The following USP1 variants were observed in gnomAD, a reference collection of about 807,000 sequenced individuals.
The protein encoded by USP1 is ubiquitin carboxyl-terminal hydrolase 1.
USP1 carries 18 observed loss-of-function variants against 72.2 expected under a neutral mutation model. The observed-to-expected ratio is 0.25, with a 90% CI of 0.17 to 0.37. The LOEUF (loss-of-function observed/expected upper bound fraction) is 0.37. USP1 is among the 10% of genes least tolerant of loss of function. USP1 has a pLI of 1.00. For missense variants in USP1, 759 were observed against 884.9 expected, an observed-to-expected ratio of 0.86 and a Z score of 1.81; for synonymous variants, 354 against 303.7, an observed-to-expected ratio of 1.17 and a Z score of -1.72.
chr1:62,443,470 G>T, intron 5 of USP1, 151 bp downstream of exon 5: 1 of 792,600 alleles, frequency 1.3e-6, no homozygotes. Context: ...TCTGAATACT[G>T]GAAATTTTTT....
intron 5 of USP1, 149 bp downstream of exon 5, chr1:62,443,468 C>A: frequency 1.2e-6 from 1 of 808,744 alleles, no homozygotes; most frequent in Non-Finnish European, 1.8e-6. Flanking sequence ...ACTCTGAATA[C>A]TGGAAATTTT....
At chr1:62,441,217 A>G (rs577384076) in intron 2 of USP1, among the ~76,000 whole-genome samples, 46 of 152,156 alleles carry the variant, frequency 3.0e-4, no homozygotes, top group African/African-American at 1.1e-3. Flanking sequence ...CAGTTCCTCA[A>G]TTTTCTACTC....
Position 62,442,305 on chromosome 1 carries a change from A to G in USP1, c.396+6A>G. ...AAGCCAATCAAAAAGACAAGGTAAG[A>G]AAAATAAAGAACAGAAAATAATGTA... On this transcript the variant is annotated splice_donor_region_variant and intron_variant, in intron 4 of 8. Coordinates refer to ENST00000339950, the MANE Select transcript of USP1 (RefSeq NM_003368.5). 6.4e-7 allele frequency: 1 copy of G among 1,557,570 alleles called. No individual in the cohort carries two copies. Among genetic ancestry groups the G allele is most frequent in the Non-Finnish European group, 8.7e-7 (1 of 1,147,116 alleles).
chr1:62,444,343 T>C (rs925610975), intron 5 of USP1, among the ~76,000 whole-genome samples: 2 of 151,864 alleles, frequency 1.3e-5, no homozygotes, highest in African/African-American at 4.8e-5. Context: ...TAAGTAGTTC[T>C]GTGACCTTGG....
At position 62,443,218 on chromosome 1, in the gene USP1, A is replaced by G; in HGVS notation, c.456A>G (p.Leu152=). The part of the protein sequence containing the change: ...SYELICSLQS[L]IISVEQLQAS... ...AATTGATATGCAGTTTACAGTCCTT[A>G]ATCATTTCGGTTGAACAGCTCCAGG... is the stretch of plus-strand genomic sequence containing the variant. Residue 152 remains leucine (L), a synonymous_variant, in exon 5 of 9, where the codon TTA becomes TTG. Transcript: ENST00000339950. 2 of 1,614,072 alleles carry G rather than the reference A, an allele frequency of 1.2e-6. No homozygotes were observed. The highest frequency in any genetic ancestry group is 1.7e-6 in the Non-Finnish European group (2 of 1,180,004).
Position 62,450,618 on chromosome 1 carries a change from T to C in USP1, c.1995T>C (p.Ala665=). The stretch of plus-strand genomic sequence containing the variant: ...TTTTGAACAAAAAAAATGTAGAAGC[T>C]ATTGGACTTCTTGGAGGACAAAAGA... ...SKVLNKKNVE[A]IGLLGGQKSK... Residue 665 remains alanine (A), a synonymous_variant, in exon 9 of 9, where the codon GCT becomes GCC. Transcript: ENST00000339950. 6.2e-7 allele frequency: 1 copy of C among 1,614,076 alleles called. No individual in the cohort carries two copies. The highest frequency in any genetic ancestry group is 1.1e-5 in the South Asian group (1 of 91,076).
At chr1:62,438,097 C>T (rs1645104667) in intron 1 of USP1, among the ~76,000 whole-genome samples, 1 of 151,732 alleles carries the variant, frequency 6.6e-6, no homozygotes, top group African/African-American at 2.4e-5. Context: ...CTGCACCTGG[C>T]AAAATGTTAC....
At chr1:62,447,695 C>T (rs566035616) in intron 7 of USP1, among the ~76,000 whole-genome samples, 184 bp downstream of exon 7, 1 of 152,252 alleles carries the variant, frequency 6.6e-6, no homozygotes, top group Admixed American at 6.5e-5. Context: ...ATTGTGACAT[C>T]TTGATTTTGA....
At position 62,441,564 on chromosome 1, in the gene USP1, C is replaced by A. The variant is rs374134457; in HGVS notation, c.247C>A (p.Leu83Met). The change falls in exon 3 of 9, where the codon CTG becomes ATG. Residue 83 changes from leucine (L) to methionine (M), a missense_variant. Transcript: ENST00000339950. ...KRENLLPFVGLNNLGNTCYLN... is the reference protein window; with the variant it reads ...KRENLLPFVGMNNLGNTCYLN... ...AGAAAACTTGTTACCATTTGTGGGA[C>A]TGAATAATCTCGGCAATACTTGCTA... The A allele has an allele frequency of 2.2e-5, 35 of 1,613,438 alleles. No individual in the cohort carries two copies. The highest frequency in any genetic ancestry group is 2.8e-5 in the Non-Finnish European group (33 of 1,179,786).
Position 62,439,860 on chromosome 1 carries a change from A to G in USP1, c.-8A>G. On this transcript the variant is annotated 5_prime_UTR_variant, in exon 2 of 9. Coordinates refer to ENST00000339950, the MANE Select transcript of USP1 (RefSeq NM_003368.5). ...ACTCTTGACACTCCTTGGGATTTGA[A>G]GAAAAAAATGCCTGGTGTCATACCT... 1 of 1,389,604 alleles carries G rather than the reference A, an allele frequency of 7.2e-7. No homozygotes were observed. The highest frequency in any genetic ancestry group is 1.9e-5 in the South Asian group (1 of 51,442). The allele number at this position is 1,389,604 out of a possible 1,614,324, so 86.1% of individuals were successfully genotyped here. A position where few individuals can be genotyped will look rare whatever the true frequency, so the allele number is the denominator to read the frequency against.
chr1:62,448,157 C>G (rs1645189371), intron 7 of USP1, among the ~76,000 whole-genome samples: 1 of 152,074 alleles, frequency 6.6e-6, no homozygotes, highest in African/African-American at 2.4e-5. Context: ...TATGGAAATA[C>G]CATAGGAAAT....
At chr1:62,446,786 C>A (rs912619303) in intron 6 of USP1, among the ~76,000 whole-genome samples, 1 of 151,926 alleles carries the variant, frequency 6.6e-6, no homozygotes, top group African/African-American at 2.4e-5. Flanking sequence ...AAGGGAGTTA[C>A]AATACAACTG....
chr1:62,447,246 T>C (rs1645182066), intron 6 of USP1, 95 bp from the exon 7 acceptor site: 5 of 1,209,424 alleles, frequency 4.1e-6, no homozygotes, highest in African/African-American at 3.1e-5. Flanking sequence ...GGAACTGTTA[T>C]TCATGATATA....
At position 62,449,891 on chromosome 1, in the gene USP1, G is replaced by C. The variant is rs953345214; in HGVS notation, c.1623-355G>C. On this transcript the variant is annotated intron_variant, in intron 8 of 8. Transcript: ENST00000339950. Reference sequence around the variant, plus strand: ...TTGCACCACTGCAGTCAGCCTGGGTGACAGACCCTGCCTTAAAAAAAAAAA... The same window carrying C: ...TTGCACCACTGCAGTCAGCCTGGGTCACAGACCCTGCCTTAAAAAAAAAAA... Among the ~76,000 whole-genome samples the C allele has an allele frequency of 2.0e-5, 3 of 150,982 alleles. No individual in the cohort carries two copies. In the South Asian group the frequency reaches 6.3e-4, roughly 32 times the overall value.
At chr1:62,444,624 C>CA in intron 5 of USP1, 114 bp from the exon 6 acceptor site, 1 of 882,242 alleles carries the variant, frequency 1.1e-6, no homozygotes, top group Non-Finnish European at 1.6e-6. Flanking sequence ...AATGTCTTGA[C>CA]ATTTAAAAAA....
intron 8 of USP1, among the ~76,000 whole-genome samples, chr1:62,449,745 C>G (rs2149208211): frequency 6.6e-6 from 1 of 152,016 alleles, no homozygotes; most frequent in African/African-American, 2.4e-5. Flanking sequence ...AACCCTATCT[C>G]TACAAAAAAT....
Position 62,448,351 on chromosome 1 carries a change from T to C in USP1, c.1421-114T>C, listed in dbSNP as rs910109812. The C allele has an allele frequency of 1.3e-5, 13 of 988,072 alleles. No homozygotes were observed. In the African/African-American group the frequency reaches 1.6e-4, roughly 13 times the overall value. 61.2% of individuals were successfully genotyped at this position (988,072 alleles called of 1,614,324 possible). A position where few individuals can be genotyped will look rare whatever the true frequency, so the allele number is the denominator to read the frequency against. On this transcript the variant is annotated intron_variant, in intron 7 of 8. Transcript: ENST00000339950. Reference sequence around the variant, plus strand: ...CTGAAAGTAAAAATCTCTTTAGTTATTTAGGAATGGGTCGGTCAATTGAAA... The same window carrying C: ...CTGAAAGTAAAAATCTCTTTAGTTACTTAGGAATGGGTCGGTCAATTGAAA...
chr1:62,438,855 C>G (rs371567165), intron 1 of USP1, among the ~76,000 whole-genome samples: 2 of 152,250 alleles, frequency 1.3e-5, no homozygotes, highest in East Asian at 3.9e-4. Context: ...ATTGTGGTTT[C>G]TAGTGCATTA....
chr1:62,447,761 A>G (rs1258410271), intron 7 of USP1, among the ~76,000 whole-genome samples: 1 of 152,042 alleles, frequency 6.6e-6, no homozygotes, highest in African/African-American at 2.4e-5. Context: ...ACTTTTGGGA[A>G]CCTGAGTCTT....
Sources: allele counts gnomAD v4.1 joint callset (sites outside exome capture counted in the v4.1 genomes callset), GRCh38; gene constraint gnomAD v4.1.1; transcripts MANE v1.5; gene names NCBI Gene and HGNC (gene_info 2026-07-23, HGNC 2026-07-21).